Variants in C1QTNF3 observed in about 807,000 individuals in gnomAD.
The protein encoded by C1QTNF3 is complement C1q tumor necrosis factor-related protein 3.
In C1QTNF3, 26 loss-of-function variants were observed where a neutral mutation model predicts 32.6. That is an observed-to-expected ratio of 0.80 (90% confidence interval 0.58 to 1.11). The LOEUF is 1.11. Ranked by LOEUF, C1QTNF3 falls within the 50% of genes least tolerant of loss-of-function variation. The pLI is 0.00. For missense variants in C1QTNF3, 362 were observed against 398.2 expected (o/e 0.91, Z 0.77); for synonymous variants, 155 against 146.0 (o/e 1.06, Z -0.44).
At chr5:34,159,021 T>C in the C1QTNF3 span, among the ~76,000 whole-genome samples, 90 of 152,216 alleles carry the variant, frequency 5.9e-4, 2 homozygotes, top group Middle Eastern at 6.8e-3. Flanking sequence ...TAAATAATAA[T>C]TTTATCAGTC....
the C1QTNF3 span, among the ~76,000 whole-genome samples, chr5:34,177,997 T>TG: frequency 2.7e-5 from 4 of 150,370 alleles, no homozygotes; most frequent in African/African-American, 9.8e-5. Flanking sequence ...CTGGGCATGG[T>TG]GGCTCATGCC....
At chr5:34,116,828 C>A in the C1QTNF3 span, among the ~76,000 whole-genome samples, 1 of 152,190 alleles carries the variant, frequency 6.6e-6, no homozygotes, top group African/African-American at 2.4e-5. Flanking sequence ...CTCCTGACTT[C>A]AAATGATCTG....
At chr5:34,055,652 A>C in the C1QTNF3 span, among the ~76,000 whole-genome samples, 1 of 152,382 alleles carries the variant, frequency 6.6e-6, no homozygotes, top group African/African-American at 2.4e-5. Flanking sequence ...TTTTCAATTC[A>C]TAACAGGAAG....
chr5:34,175,990 T>A, the C1QTNF3 span: 1 of 760,386 alleles, frequency 1.3e-6, no homozygotes, highest in Non-Finnish European at 2.4e-6. Flanking sequence ...GAGTAAGAAC[T>A]GGCAGAATTG....
the C1QTNF3 span, among the ~76,000 whole-genome samples, chr5:34,053,845 G>A: frequency 2.0e-5 from 3 of 152,284 alleles, no homozygotes; most frequent in Admixed American, 2.0e-4. Context: ...CATTATGGGT[G>A]ACATATTGTG....
chr5:34,033,897 C>T (rs1754675119), intron 2 of C1QTNF3, among the ~76,000 whole-genome samples: 1 of 152,180 alleles, frequency 6.6e-6, no homozygotes, highest in South Asian at 2.1e-4. Context: ...TACAGTGGCT[C>T]ACAACTGTAA....
At chr5:34,186,749 T>C in the C1QTNF3 span, among the ~76,000 whole-genome samples, 1,645 of 151,364 alleles carry the variant, frequency 0.011, no homozygotes, top group South Asian at 0.029. Flanking sequence ...CAAAGATGCC[T>C]GCATCAGTAT....
chr5:34,052,806 A>C, the C1QTNF3 span, among the ~76,000 whole-genome samples: 18 of 152,198 alleles, frequency 1.2e-4, no homozygotes, highest in African/African-American at 3.6e-4. Flanking sequence ...AGTCTGCATA[A>C]ATTGTTTTGT....
the C1QTNF3 span, among the ~76,000 whole-genome samples, chr5:34,197,095 A>T: frequency 6.6e-6 from 1 of 152,424 alleles, no homozygotes; most frequent in East Asian, 1.9e-4. Context: ...ACTGCCTCAT[A>T]ATATAGATGA....
chr5:34,208,957 A>G, the C1QTNF3 span, among the ~76,000 whole-genome samples: 1 of 152,178 alleles, frequency 6.6e-6, no homozygotes, highest in Non-Finnish European at 1.5e-5. Context: ...CCATTTGTCA[A>G]TGTTTAGAGA....
the C1QTNF3 span, among the ~76,000 whole-genome samples, chr5:34,079,451 TTC>T: frequency 2.6e-5 from 4 of 151,818 alleles, no homozygotes; most frequent in East Asian, 3.9e-4. Context: ...TGTCCCAGGG[TTC>T]TCTTTTTCCA....
At chr5:34,134,522 A>G in the C1QTNF3 span, among the ~76,000 whole-genome samples, 1 of 152,198 alleles carries the variant, frequency 6.6e-6, no homozygotes, top group African/African-American at 2.4e-5. Context: ...ATAAAAATAA[A>G]AAATTTAAAA....
the C1QTNF3 span, among the ~76,000 whole-genome samples, chr5:34,052,035 G>A: frequency 1.3e-5 from 2 of 152,196 alleles, no homozygotes; most frequent in African/African-American, 4.8e-5. Context: ...CTACTCGGGA[G>A]TCTGAGGCAG....
chr5:34,196,067 T>G, the C1QTNF3 span, among the ~76,000 whole-genome samples: 1 of 152,276 alleles, frequency 6.6e-6, no homozygotes, highest in Admixed American at 6.5e-5. Context: ...AGGCCCTCTT[T>G]AAGAAACACA....
At chr5:34,214,236 G>C in the C1QTNF3 span, among the ~76,000 whole-genome samples, 2 of 151,974 alleles carry the variant, frequency 1.3e-5, no homozygotes, top group African/African-American at 4.8e-5. Context: ...ATGAATGATT[G>C]AAAGCCAGGA....
chr5:34,080,586 C>T, the C1QTNF3 span, among the ~76,000 whole-genome samples: 4 of 151,708 alleles, frequency 2.6e-5, no homozygotes, highest in African/African-American at 9.7e-5. Context: ...AGTGATGAGA[C>T]ATAAATAAAT....
chr5:34,042,003 G>C (rs1754883434), intron 1 of C1QTNF3, among the ~76,000 whole-genome samples: 2 of 148,450 alleles, frequency 1.3e-5, no homozygotes, highest in South Asian at 4.4e-4. Flanking sequence ...ACAGTTTTCA[G>C]CATACTAGAT....
chr5:34,174,687 G>A, the C1QTNF3 span, among the ~76,000 whole-genome samples: 1 of 152,140 alleles, frequency 6.6e-6, no homozygotes, highest in East Asian at 1.9e-4. Context: ...AACATTCATT[G>A]CTAACTTGGC....
At position 34,043,164 on chromosome 5, in the gene C1QTNF3, G is replaced by A. The variant is rs750619905; in HGVS notation, c.-39C>T. 2.8e-5 allele frequency: 44 copies of A among 1,581,456 alleles called. No homozygotes were observed. Among genetic ancestry groups the A allele is most frequent in the Non-Finnish European group, 3.5e-5 (41 of 1,166,110 alleles). On this transcript the variant is annotated 5_prime_UTR_variant, in exon 1 of 6. Coordinates refer to ENST00000382065, the MANE Select transcript of C1QTNF3 (RefSeq NM_181435.6). ...GCCTCAGAGTCTCCCTGAGAAGACA[G>A]CAGAGCTCCAGGAGCGTGGTCTCCT...
Sources: gnomAD v4.1 joint callset for allele counts (sites outside exome capture counted in the v4.1 genomes callset) on GRCh38, gnomAD v4.1.1 for gene constraint, MANE v1.5 for transcripts, NCBI Gene and HGNC (gene_info 2026-07-23, HGNC 2026-07-21) for gene names.